BRAP: variants seen among roughly 807,000 people sequenced by gnomAD.
BRAP encodes the protein BRCA1 associated protein.
A neutral mutation model predicts 73.4 loss-of-function variants in BRAP; 42 were observed. The ratio of observed to expected loss-of-function variants is 0.57; its 90% CI spans 0.45 to 0.74. BRAP has a LOEUF of 0.74. BRAP is among the 30% of genes least tolerant of loss of function. The pLI is 0.00. For synonymous variants in BRAP, 255 were observed against 267.4 expected (o/e 0.95, Z 0.45); for missense variants, 593 against 751.4 (o/e 0.79, Z 2.46).
intron 4 of BRAP, among the ~76,000 whole-genome samples, chr12:111,677,184 AC>A (rs1181367209): frequency 6.6e-6 from 1 of 152,172 alleles, no homozygotes; most frequent in African/African-American, 2.4e-5. Context: ...GGTTTATTAA[AC>A]AGGTGACTGT....
intron 5 of BRAP, among the ~76,000 whole-genome samples, chr12:111,667,362 T>G (rs180701116): frequency 3.2e-4 from 48 of 152,250 alleles, no homozygotes; most frequent in Non-Finnish European, 5.3e-4. Flanking sequence ...ACTGTATGCT[T>G]CTTTTGTCTG....
chr12:111,659,627 C>T (rs1230048843), intron 7 of BRAP, among the ~76,000 whole-genome samples: 1 of 152,100 alleles, frequency 6.6e-6, no homozygotes, highest in African/African-American at 2.4e-5. Flanking sequence ...GCACTCCAGC[C>T]TGGGTGATAA....
chr12:111,684,418 A>C (rs1417826256), intron 1 of BRAP, among the ~76,000 whole-genome samples: 1 of 152,226 alleles, frequency 6.6e-6, no homozygotes, highest in Non-Finnish European at 1.5e-5. Flanking sequence ...TCACGTCCTC[A>C]GGAAGTTCCC....
chr12:111,675,925 T>C (rs571565188), intron 4 of BRAP, among the ~76,000 whole-genome samples: 6 of 152,248 alleles, frequency 3.9e-5, no homozygotes, highest in East Asian at 1.9e-4. Context: ...AACAACAAAA[T>C]TGAACTTCCT....
chr12:111,669,100 G>A (rs963512301), intron 5 of BRAP, among the ~76,000 whole-genome samples: 10 of 152,216 alleles, frequency 6.6e-5, no homozygotes, highest in African/African-American at 2.4e-4. Context: ...CAATAGTTAA[G>A]TAACGTTTTC....
chr12:111,660,658 T>C lies in BRAP; in HGVS notation c.914A>G (p.Tyr305Cys), dbSNP rs1171748597. 1 of 1,608,392 alleles carries C rather than the reference T, an allele frequency of 6.2e-7. No homozygotes were observed. Among genetic ancestry groups the C allele is most frequent in the South Asian group, 1.1e-5 (1 of 90,284 alleles). Residue 305 changes from tyrosine to cysteine, a missense_variant, in exon 7 of 12, where the codon TAC becomes TGC. Tyr to Cys is a radical substitution (Grantham distance 194). Coordinates refer to ENST00000419234, the MANE Select transcript of BRAP (RefSeq NM_006768.5). ...WDDTTCPVCR[Y>C]CQTPEPVEEN... ...TTCTACTGGCTCGGGCGTTTGACAG[T>C]ACCGGCAAACAGGACACCTATCCAG... is the stretch of plus-strand genomic sequence containing the variant.
chr12:111,670,320 T>G, intron 5 of BRAP: 1 of 539,418 alleles, frequency 1.9e-6, no homozygotes, highest in South Asian at 1.5e-5. Flanking sequence ...TCAGGTCCTC[T>G]GGCAGCTCCA....
chr12:111,682,422 A>C lies in BRAP; in HGVS notation c.245-587T>G, dbSNP rs899968873. Among the ~76,000 whole-genome samples the C allele has an allele frequency of 2.0e-5, 3 of 149,534 alleles. No individual in the cohort carries two copies. The Admixed American group carries it at 2.0e-4, about 10-fold the overall frequency. ...CTGAGAGAGGAAGGAGAATTGCTTG[A>C]AACCAGGAGGTGGAGTTGCAGTAAG... On this transcript the variant is annotated intron_variant, in intron 2 of 11. Coordinates refer to ENST00000419234, the MANE Select transcript of BRAP (RefSeq NM_006768.5).
rs377591727 is a variant in BRAP, at chr12:111,655,592, G to C, written c.1285C>G (p.Arg429Gly). Residue 429 changes from arginine (R) to glycine (G), a missense_variant, in exon 10 of 12, where the codon CGG (arginine) becomes GGG (glycine). By Grantham distance (125) the Arg-to-Gly change is moderately radical. This residue lies in a region of BRAP where 143 missense variants were observed against 190.4 expected (regional missense o/e 0.75). Transcript: ENST00000419234. ...TCCTCTGCTGTGTCCTTCTCTATCCGAACTATCTTGTTTTCCCAGTAGATT... is the reference window on the plus strand; with the variant it reads ...TCCTCTGCTGTGTCCTTCTCTATCCCAACTATCTTGTTTTCCCAGTAGATT... ...QRIYWENKIV[R>G]IEKDTAEEIN... The C allele has an allele frequency of 3.7e-6, 6 of 1,613,412 alleles. No homozygotes were observed. In the African/African-American group the frequency reaches 5.3e-5, roughly 14 times the overall value.
chr12:111,682,244 G>A (rs922738374), intron 2 of BRAP, among the ~76,000 whole-genome samples: 1 of 152,032 alleles, frequency 6.6e-6, no homozygotes, highest in Non-Finnish European at 1.5e-5. Context: ...CTGGCTGGCC[G>A]GGTGCAGTGG....
At chr12:111,672,483 G>C (rs1887215432) in intron 5 of BRAP, among the ~76,000 whole-genome samples, 178 bp downstream of exon 5, 1 of 152,044 alleles carries the variant, frequency 6.6e-6, no homozygotes, top group African/African-American at 2.4e-5. Context: ...ACTTCCAGAA[G>C]AAAGCCTGTA....
At chr12:111,667,950 C>T (rs576633218) in intron 5 of BRAP, among the ~76,000 whole-genome samples, 4 of 151,308 alleles carry the variant, frequency 2.6e-5, no homozygotes, top group Non-Finnish European at 4.4e-5. Flanking sequence ...GGCTCACACC[C>T]GTAATCCCAG....
intron 9 of BRAP, 118 bp downstream of exon 9, chr12:111,658,618 C>T: frequency 1.3e-6 from 1 of 772,088 alleles, no homozygotes. Flanking sequence ...GCCACTGCGC[C>T]CGGCCATGAC....
At chr12:111,667,770 A>AATCTCAC (rs990393812) in intron 5 of BRAP, among the ~76,000 whole-genome samples, 3 of 151,400 alleles carry the variant, frequency 2.0e-5, no homozygotes, top group African/African-American at 7.3e-5. Flanking sequence ...ACAATATACA[A>AATCTCAC]ATCTCACAAA....
chr12:111,652,234 T>G (rs1265623075), intron 10 of BRAP, among the ~76,000 whole-genome samples: 1 of 152,256 alleles, frequency 6.6e-6, no homozygotes, highest in South Asian at 2.1e-4. Flanking sequence ...TTGGTTGGTT[T>G]GTTTTTTGAG....
At chr12:111,653,713 T>A (rs2055209326) in intron 10 of BRAP, among the ~76,000 whole-genome samples, 1 of 152,166 alleles carries the variant, frequency 6.6e-6, no homozygotes, top group South Asian at 2.1e-4. Flanking sequence ...TCCGGGTTAC[T>A]GTTTCTCCCT....
intron 5 of BRAP, among the ~76,000 whole-genome samples, chr12:111,671,092 T>C (rs1887152529): frequency 6.9e-6 from 1 of 145,022 alleles, no homozygotes; most frequent in Admixed American, 7.0e-5. Flanking sequence ...AGAGTGAGAC[T>C]CATGTCTCCA....
At chr12:111,677,009 G>A (rs200632264) in intron 4 of BRAP, among the ~76,000 whole-genome samples, 2 of 152,148 alleles carry the variant, frequency 1.3e-5, no homozygotes, top group East Asian at 1.9e-4. Context: ...GCAGCAACCT[G>A]TTTCGCAGTC....
intron 3 of BRAP, among the ~76,000 whole-genome samples, chr12:111,680,892 T>TAG (rs1215656841): frequency 2.0e-5 from 3 of 152,194 alleles, no homozygotes; most frequent in East Asian, 3.9e-4. Context: ...CTTGGGGCTC[T>TAG]AGCAAGCTTT....
Sources: allele counts gnomAD v4.1 joint callset (sites outside exome capture counted in the v4.1 genomes callset), GRCh38; gene constraint gnomAD v4.1.1; regional missense constraint gnomAD v4.1.1; transcripts MANE v1.5; gene names NCBI Gene and HGNC (gene_info 2026-07-23, HGNC 2026-07-21).